BUD31: variants seen among roughly 807,000 people sequenced by gnomAD.
BUD31 encodes BUD31 spliceosome associated protein.
BUD31 carries 9 observed loss-of-function variants against 17.9 expected under a neutral mutation model. The observed-to-expected ratio is 0.50, with a 90% confidence interval of 0.30 to 0.88. BUD31 has a LOEUF of 0.88. Among genes scored for constraint, BUD31 ranks in the 40% least tolerant of loss-of-function variants. BUD31 has a pLI of 0.06. For missense variants in BUD31, 148 were observed against 184.5 expected (o/e 0.80, Z 1.15); for synonymous variants, 70 against 64.7 (o/e 1.08, Z -0.39).
At chr7:99,409,780 T>TGGGGGGGGGGGGGGGGG (rs1554353400) in intron 1 of BUD31, among the ~76,000 whole-genome samples, 5 of 61,102 alleles carry the variant, frequency 8.2e-5, no homozygotes, top group Non-Finnish European at 1.3e-4. Context: ...GGGGGGGGGG[T>TGGGGGGGGGGGGGGGGG]GGGTCTTTGT....
intron 5 of BUD31, 77 bp from the exon 6 acceptor site, chr7:99,419,314 G>A (rs774557036): frequency 9.6e-5 from 148 of 1,545,702 alleles, no homozygotes; most frequent in Non-Finnish European, 1.3e-4. Flanking sequence ...TCCTTCGTGG[G>A]AGGGTTGCCA....
chr7:99,419,479 G>A lies in BUD31; in HGVS notation c.*38G>A. ...CCACCCTGGACTCTGGACTTCGCAG[G>A]TTCCTGCCTGTCACGCCACCCCCTT... is the stretch of plus-strand genomic sequence containing the variant. On this transcript the variant is annotated 3_prime_UTR_variant, in exon 6 of 6. Coordinates refer to ENST00000222969, the MANE Select transcript of BUD31 (RefSeq NM_003910.4). 6.2e-7 allele frequency: 1 copy of A among 1,606,554 alleles called. No homozygotes were observed. The highest frequency in any genetic ancestry group is 8.5e-7 in the Non-Finnish European group (1 of 1,178,756).
intron 5 of BUD31, 32 bp from the exon 6 acceptor site, chr7:99,419,359 T>C (rs750070645): frequency 6.2e-7 from 1 of 1,611,878 alleles, no homozygotes; most frequent in Non-Finnish European, 8.5e-7. Context: ...CGTGGCGCAG[T>C]GGCATCGTCT....
At chr7:99,417,375 G>A in intron 4 of BUD31, 54 bp from the exon 5 acceptor site, 2 of 1,579,804 alleles carry the variant, frequency 1.3e-6, no homozygotes, top group South Asian at 1.1e-5. Flanking sequence ...TTGATCAAGG[G>A]TGGGGAAGGT....
intron 5 of BUD31, 34 bp downstream of exon 5, chr7:99,417,629 C>T: frequency 6.2e-7 from 1 of 1,606,348 alleles, no homozygotes. Context: ...GTGTTGTTTT[C>T]AGCTCAAAAT....
At position 99,417,540 on chromosome 7, in the gene BUD31, A is replaced by T; in HGVS notation, c.329A>T (p.Asp110Val). 1 of 1,612,174 alleles carries T rather than the reference A, an allele frequency of 6.2e-7. No individual in the cohort carries two copies. Among genetic ancestry groups the T allele is most frequent in the Non-Finnish European group, 8.5e-7 (1 of 1,178,552 alleles). Reference protein sequence around the residue: ...LCCLRCIQTRDTNFGTNCICR... With the variant: ...LCCLRCIQTRVTNFGTNCICR... ...TGCCTGCGGTGCATTCAGACACGGG[A>T]CACCAACTTCGGGACGAACTGCATC... The change falls in exon 5 of 6, where the codon GAC (aspartate) becomes GTC (valine). Residue 110 changes from aspartate to valine, a missense_variant. Physicochemically the swap from Asp to Val is radical, Grantham distance 152 (BLOSUM62 -3). Transcript: ENST00000222969.
intron 2 of BUD31, 74 bp downstream of exon 2, chr7:99,410,243 G>A (rs1795122009): frequency 6.6e-6 from 1 of 151,950 alleles, no homozygotes; most frequent in Admixed American, 6.6e-5. Context: ...TTGAGACATG[G>A]TCTCACTCCG....
intron 3 of BUD31, among the ~76,000 whole-genome samples, chr7:99,413,788 T>C (rs1367473231): frequency 6.6e-6 from 1 of 152,150 alleles, no homozygotes; most frequent in Non-Finnish European, 1.5e-5. Flanking sequence ...GACAGTGTTT[T>C]GCCCTGTTGG....
rs551876304 is a variant in BUD31, at chr7:99,416,404, TTGTG to T, written c.217+152_217+155del. On this transcript the variant is annotated intron_variant, in intron 4 of 5. Coordinates refer to ENST00000222969, the MANE Select transcript of BUD31 (RefSeq NM_003910.4). ...AGGGGGAGCCAACGTTGGCTGAGTT[TTGTG>T]TGTGTGTTTGTTTTTTGTTTGTTTG... 1.2e-4 allele frequency: 127 copies of T among 1,054,242 alleles called. 1 individual carries two copies. In the East Asian group the frequency reaches 3.1e-3, roughly 26 times the overall value. 65.3% of individuals were successfully genotyped at this position (1,054,242 alleles called of 1,614,324 possible). A position where few individuals can be genotyped will look rare whatever the true frequency, so the allele number is the denominator to read the frequency against.
intron 3 of BUD31, 80 bp downstream of exon 3, chr7:99,411,266 G>A: frequency 3.7e-6 from 4 of 1,082,244 alleles, no homozygotes; most frequent in Non-Finnish European, 5.5e-6. Context: ...AGGCATAAAT[G>A]CAAATATAAA....
At chr7:99,417,374 G>T (rs1403018441) in intron 4 of BUD31, 55 bp from the exon 5 acceptor site, 4 of 1,579,030 alleles carry the variant, frequency 2.5e-6, no homozygotes, top group Admixed American at 1.7e-5. Context: ...TTTGATCAAG[G>T]GTGGGGAAGG....
At chr7:99,414,461 G>T (rs779010913) in intron 3 of BUD31, among the ~76,000 whole-genome samples, 1 of 152,174 alleles carries the variant, frequency 6.6e-6, no homozygotes. Context: ...ATCATATACT[G>T]TAAAAGTGAA....
Position 99,417,541 on chromosome 7 carries a change from C to A in BUD31, c.330C>A (p.Asp110Glu). 1 of 1,611,910 alleles carries A rather than the reference C, an allele frequency of 6.2e-7. No individual in the cohort carries two copies. Among genetic ancestry groups the A allele is most frequent in the Non-Finnish European group, 8.5e-7 (1 of 1,178,452 alleles). ...GCCTGCGGTGCATTCAGACACGGGA[C>A]ACCAACTTCGGGACGAACTGCATCT... ...LCCLRCIQTRDTNFGTNCICR... is the reference protein window; with the variant it reads ...LCCLRCIQTRETNFGTNCICR... Residue 110 changes from aspartate (D) to glutamate (E), a missense_variant, in exon 5 of 6, where the codon GAC becomes GAA. By Grantham distance (45) the Asp-to-Glu change is conservative (BLOSUM62 2). Coordinates refer to ENST00000222969, the MANE Select transcript of BUD31 (RefSeq NM_003910.4).
intron 1 of BUD31, among the ~76,000 whole-genome samples, chr7:99,409,773 G>T (rs959944999): frequency 3.8e-5 from 5 of 132,974 alleles, no homozygotes; most frequent in East Asian, 5.4e-4. Context: ...TGTGGGCGGG[G>T]GGGGGGTGGG....
chr7:99,416,793 T>C (rs962652899), intron 4 of BUD31: 1 of 152,966 alleles, frequency 6.5e-6, no homozygotes, highest in African/African-American at 2.6e-5. Flanking sequence ...CAATGATGGC[T>C]CACTGCAGCC....
intron 3 of BUD31, 88 bp from the exon 4 acceptor site, chr7:99,416,050 T>G (rs1048123879): frequency 7.7e-6 from 12 of 1,561,708 alleles, no homozygotes; most frequent in Non-Finnish European, 1.0e-5. Flanking sequence ...TAAAGTGGTA[T>G]TTATTCATTA....
At chr7:99,417,665 C>A in intron 5 of BUD31, 70 bp downstream of exon 5, 1 of 1,589,518 alleles carries the variant, frequency 6.3e-7, no homozygotes, top group Non-Finnish European at 8.5e-7. Flanking sequence ...TGCAAGGGAT[C>A]TTATGTTATT....
intron 3 of BUD31, 39 bp from the exon 4 acceptor site, chr7:99,416,099 G>T: frequency 1.2e-6 from 2 of 1,606,738 alleles, no homozygotes; most frequent in South Asian, 2.2e-5. Context: ...TGCGCAGACC[G>T]ACCCTATTCC....
chr7:99,415,229 G>A (rs973892645), intron 3 of BUD31: 16 of 455,392 alleles, frequency 3.5e-5, no homozygotes, highest in Admixed American at 1.2e-4. Context: ...ACAAGACAAA[G>A]GGGCAGGATA....
Sources: allele counts gnomAD v4.1 joint callset (sites outside exome capture counted in the v4.1 genomes callset), GRCh38; gene constraint gnomAD v4.1.1; transcripts MANE v1.5; gene names NCBI Gene and HGNC (gene_info 2026-07-23, HGNC 2026-07-21).